The following EMB variants were observed in gnomAD, a reference collection of about 807,000 sequenced individuals.
EMB encodes embigin homolog.
A neutral mutation model predicts 41.4 loss-of-function variants in EMB; 31 were observed. The ratio of observed to expected loss-of-function variants is 0.75; its 90% CI spans 0.56 to 1.01. The LOEUF (loss-of-function observed/expected upper bound fraction) is 1.01, where lower values mean the gene tolerates loss of function less well. Ranked by LOEUF, EMB falls within the 50% of genes least tolerant of loss-of-function variation. The pLI is 0.00. For missense variants in EMB, 379 were observed against 388.3 expected (o/e 0.98, Z 0.20); for synonymous variants, 137 against 140.4 (o/e 0.98, Z 0.17).
chr5:50,421,705 C>T (rs1314617338), intron 2 of EMB, among the ~76,000 whole-genome samples: 4 of 151,852 alleles, frequency 2.6e-5, no homozygotes, highest in African/African-American at 9.7e-5. Flanking sequence ...CCATGGAATA[C>T]TATGCAGCCA....
At position 50,397,780 on chromosome 5, in the gene EMB, C is replaced by T. The variant is rs13354069; in HGVS notation, c.*1493G>A. 2.3e-3 allele frequency: 342 copies of T among 151,974 alleles called. 2 individuals carry two copies. Among genetic ancestry groups the T allele is most frequent in the African/African-American group, 7.9e-3 (328 of 41,484 alleles). The allele number at this position is 151,974 out of a possible 1,614,324, so 9.4% of individuals were successfully genotyped here. A position where few individuals can be genotyped will look rare whatever the true frequency, so the allele number is the denominator to read the frequency against. On this transcript the variant is annotated 3_prime_UTR_variant, in exon 9 of 9. Coordinates refer to ENST00000303221, the MANE Select transcript of EMB (RefSeq NM_198449.3). ...AGAATAAAATGAAGTTTGCCATTAC[C>T]GGGATGTATTCAAGTTCAGCAAACT...
chr5:50,430,729 T>G (rs1745707919), intron 1 of EMB, among the ~76,000 whole-genome samples: 1 of 152,096 alleles, frequency 6.6e-6, no homozygotes. Context: ...GCCAGTATAT[T>G]TTATACAAAT....
upstream of EMB, chr5:50,441,411 T>TGCTACTTCCCGGCTGCAGC: frequency 6.5e-6 from 2 of 307,322 alleles, no homozygotes; most frequent in Non-Finnish European, 1.2e-5. Flanking sequence ...GCGGTGGCGG[T>TGCTACTTCCCGGCTGCAGC]GCTACTTCCC....
chr5:50,410,896 C>T lies in EMB; in HGVS notation c.453G>A (p.Arg151=). 1 of 1,602,008 alleles carries T rather than the reference C, an allele frequency of 6.2e-7. No individual in the cohort carries two copies. Among genetic ancestry groups the T allele is most frequent in the Non-Finnish European group, 8.5e-7 (1 of 1,174,748 alleles). Residue 151 remains arginine, a synonymous_variant, in exon 4 of 9, where the codon AGG becomes AGA. Transcript: ENST00000303221. ...SCFFREEKEQ[R]GTFNFKVPEL... is the part of the protein sequence containing the mutation. Reference sequence around the variant, plus strand: ...ACTGACCTTTGAAATTAAATGTTCCCCTTTGTTCCTTTTCCTCTCGAAAGA... The same window carrying T: ...ACTGACCTTTGAAATTAAATGTTCCTCTTTGTTCCTTTTCCTCTCGAAAGA...
intron 1 of EMB, chr5:50,428,686 T>A: frequency 2.0e-6 from 2 of 985,244 alleles, no homozygotes; most frequent in Non-Finnish European, 2.4e-6. Context: ...ACAGAGAAGA[T>A]AAAATGGCTG....
chr5:50,400,042 A>G, intron 7 of EMB, 129 bp from the exon 8 acceptor site: 1 of 604,754 alleles, frequency 1.7e-6, no homozygotes. Context: ...TCTTCCTAAA[A>G]ATGTTTTACT....
At chr5:50,415,875 T>C (rs1745421962) in intron 2 of EMB, among the ~76,000 whole-genome samples, 2 of 152,230 alleles carry the variant, frequency 1.3e-5, no homozygotes, top group South Asian at 2.1e-4. Flanking sequence ...TGTAGCTATA[T>C]ACCAATATGA....
intron 2 of EMB, among the ~76,000 whole-genome samples, chr5:50,419,668 C>T (rs1255891434): frequency 6.6e-6 from 1 of 152,124 alleles, no homozygotes; most frequent in African/African-American, 2.4e-5. Context: ...ATCCCTTCAT[C>T]TCCTTTCCCC....
chr5:50,430,005 T>TCACACA (rs374435204), intron 1 of EMB, among the ~76,000 whole-genome samples: 16 of 140,472 alleles, frequency 1.1e-4, no homozygotes, highest in African/African-American at 3.8e-4. Flanking sequence ...TCTCTCTCTC[T>TCACACA]CACACACACA....
At chr5:50,441,398 T>A (rs1745911576), upstream of EMB, 2 of 320,398 alleles carry the variant, frequency 6.2e-6, no homozygotes, top group South Asian at 1.4e-4. Context: ...CGTTCCCGGA[T>A]GTGCGGTGGC....
At chr5:50,424,095 TC>T (rs1389144696) in intron 2 of EMB, among the ~76,000 whole-genome samples, 2 of 152,138 alleles carry the variant, frequency 1.3e-5, no homozygotes, top group Admixed American at 1.3e-4. Flanking sequence ...AACTCAAATA[TC>T]TTGGCAACAA....
At chr5:50,420,906 A>G (rs1347279837) in intron 2 of EMB, among the ~76,000 whole-genome samples, 1 of 152,216 alleles carries the variant, frequency 6.6e-6, no homozygotes, top group Admixed American at 6.5e-5. Context: ...CAAGAAATGC[A>G]TAAGAAGTTC....
chr5:50,417,696 T>C (rs1422057892), intron 2 of EMB, among the ~76,000 whole-genome samples: 1 of 152,208 alleles, frequency 6.6e-6, no homozygotes, highest in Non-Finnish European at 1.5e-5. Context: ...CCCTGGAGAC[T>C]CCCTCAAGAC....
At chr5:50,428,561 G>T in intron 1 of EMB, 47 of 997,260 alleles carry the variant, frequency 4.7e-5, no homozygotes, top group Non-Finnish European at 5.5e-5. Flanking sequence ...TCAGATGAGA[G>T]AGCCAGAAAA....
At chr5:50,425,742 G>T (rs191991138) in intron 2 of EMB, among the ~76,000 whole-genome samples, 1 of 149,822 alleles carries the variant, frequency 6.7e-6, no homozygotes, top group East Asian at 2.0e-4. Flanking sequence ...CTCTTGCAGT[G>T]GCACAATCTC....
intron 7 of EMB, among the ~76,000 whole-genome samples, chr5:50,400,205 GT>G (rs1488012890): frequency 6.6e-6 from 1 of 151,972 alleles, no homozygotes; most frequent in Non-Finnish European, 1.5e-5. Flanking sequence ...CTTATGTGTG[GT>G]TTTGGAAACA....
chr5:50,423,761 A>G (rs1302802893), intron 2 of EMB, among the ~76,000 whole-genome samples: 5 of 152,172 alleles, frequency 3.3e-5, no homozygotes, highest in Admixed American at 1.3e-4. Context: ...TAAATTTGCA[A>G]TTTAAACTGT....
At chr5:50,424,750 T>A (rs1745582790) in intron 2 of EMB, among the ~76,000 whole-genome samples, 2 of 152,274 alleles carry the variant, frequency 1.3e-5, no homozygotes, top group South Asian at 4.1e-4. Flanking sequence ...CAGGTGTCAC[T>A]CACATCTAGT....
At chr5:50,428,605 AAAG>A in intron 1 of EMB, 3 of 988,840 alleles carry the variant, frequency 3.0e-6, no homozygotes, top group Non-Finnish European at 3.6e-6. Flanking sequence ...AGAGAAGATG[AAAG>A]AAGAGCGACA....
Sources: gnomAD v4.1 joint callset for allele counts (sites outside exome capture counted in the v4.1 genomes callset) on GRCh38, gnomAD v4.1.1 for gene constraint, MANE v1.5 for transcripts, NCBI Gene and HGNC (gene_info 2026-07-23, HGNC 2026-07-21) for gene names.